Variants in MDGA2 observed in about 807,000 individuals in gnomAD.
MDGA2 encodes the protein MAM domain containing glycosylphosphatidylinositol anchor 2.
In MDGA2, 40 loss-of-function variants were observed where a neutral mutation model predicts 117.8. That is an observed-to-expected ratio of 0.34 (90% confidence interval 0.26 to 0.44). MDGA2 has a LOEUF of 0.44. MDGA2 is among the 20% of genes least tolerant of loss of function. The pLI is 1.00. For missense variants in MDGA2, 1,123 were observed against 1,250.6 expected, an observed-to-expected ratio of 0.90 and a Z score of 1.54; for synonymous variants, 452 against 439.0, an observed-to-expected ratio of 1.03 and a Z score of -0.37.
chr14:47,067,106 A>G (rs980682332), intron 6 of MDGA2, among the ~76,000 whole-genome samples: 1 of 152,172 alleles, frequency 6.6e-6, no homozygotes, highest in Non-Finnish European at 1.5e-5. Context: ...CAAGAGCAAA[A>G]CTCCACCACA....
At chr14:47,146,645 C>G (rs1303775342) in intron 3 of MDGA2, among the ~76,000 whole-genome samples, 1 of 151,916 alleles carries the variant, frequency 6.6e-6, no homozygotes, top group African/African-American at 2.4e-5. Context: ...TTTTCTTGTT[C>G]AAAACATAAT....
chr14:47,025,698 C>T (rs1012277252), intron 8 of MDGA2, among the ~76,000 whole-genome samples: 3 of 141,940 alleles, frequency 2.1e-5, no homozygotes, highest in Non-Finnish European at 4.6e-5. Context: ...GCTAGAGCCT[C>T]CTTCTCCACC....
In MDGA2 at chr14:47,243,170, G is replaced by A. The variant is rs1039044869; in HGVS notation, c.421-24975C>T. 5.9e-5 allele frequency among the ~76,000 whole-genome samples: 9 copies of A among 151,636 alleles called. No individual in the cohort carries two copies. In the East Asian group the frequency reaches 9.7e-4, roughly 16 times the overall value. ...CTCAGGGTTTGTAAATGCACCAATC[G>A]ACACTCTGTATCTAGCTGCTCTGGT... On this transcript the variant is annotated intron_variant, in intron 2 of 16. Transcript: ENST00000399232.
At position 47,537,574 on chromosome 14, in the gene MDGA2, TA is replaced by T. The variant is rs58060138; in HGVS notation, c.280+136942del. Among the ~76,000 whole-genome samples, 84 of 36,622 alleles carry T rather than the reference TA, an allele frequency of 2.3e-3. 1 individual carries two copies. The highest frequency in any genetic ancestry group is 3.4e-3 in the Non-Finnish European group (61 of 17,832). 24.0% of individuals were successfully genotyped at this position (36,622 alleles called of 152,430 possible). On this transcript the variant is annotated intron_variant, in intron 1 of 16. Coordinates refer to ENST00000399232, the MANE Select transcript of MDGA2 (RefSeq NM_001113498.3). ...TTATCCACTGTTACCTTCTCTCTGT[TA>T]AAAAAAAAAAAAAAAAAAAAAAAAA...
chr14:47,467,114 C>T (rs10220431), intron 1 of MDGA2, among the ~76,000 whole-genome samples: 114,431 of 151,918 alleles, frequency 0.75, 43,528 homozygotes, highest in East Asian at 1. Context: ...AATTACTACT[C>T]TCTCAACAAA....
chr14:47,170,734 C>T (rs1566662361), intron 3 of MDGA2, among the ~76,000 whole-genome samples: 1 of 152,088 alleles, frequency 6.6e-6, no homozygotes, highest in Non-Finnish European at 1.5e-5. Flanking sequence ...ATAAAACATT[C>T]TAGGAAGTTT....
intron 1 of MDGA2, among the ~76,000 whole-genome samples, chr14:47,440,158 A>G (rs1892977439): frequency 6.6e-6 from 1 of 151,928 alleles, no homozygotes; most frequent in Non-Finnish European, 1.5e-5. Flanking sequence ...TCTCACTCCC[A>G]ACAGCATACC....
At chr14:47,046,486 G>A (rs1889269877) in intron 7 of MDGA2, among the ~76,000 whole-genome samples, 1 of 150,712 alleles carries the variant, frequency 6.6e-6, no homozygotes, top group African/African-American at 2.4e-5. Context: ...AAACATCAGG[G>A]ATATACCTAA....
chr14:47,429,263 T>C (rs1208922209), intron 1 of MDGA2, among the ~76,000 whole-genome samples: 4 of 148,068 alleles, frequency 2.7e-5, no homozygotes, highest in Non-Finnish European at 6.0e-5. Flanking sequence ...ATTTATATAA[T>C]TAACAAATAT....
At chr14:47,652,505 T>C (rs962597221) in intron 1 of MDGA2, among the ~76,000 whole-genome samples, 1 of 152,210 alleles carries the variant, frequency 6.6e-6, no homozygotes, top group Non-Finnish European at 1.5e-5. Context: ...TTCCTTTATC[T>C]GAAAATACTG....
At chr14:47,627,686 G>A (rs1235753721) in intron 1 of MDGA2, among the ~76,000 whole-genome samples, 1 of 152,186 alleles carries the variant, frequency 6.6e-6, no homozygotes, top group Non-Finnish European at 1.5e-5. Flanking sequence ...GGCCGGATAA[G>A]AGAATAAAAG....
At chr14:47,320,449 A>C (rs1889946551) in intron 1 of MDGA2, among the ~76,000 whole-genome samples, 1 of 152,130 alleles carries the variant, frequency 6.6e-6, no homozygotes, top group African/African-American at 2.4e-5. Context: ...TGATTATATG[A>C]GAATATAGTT....
intron 1 of MDGA2, among the ~76,000 whole-genome samples, chr14:47,574,678 G>A (rs1485798471): frequency 2.0e-5 from 3 of 152,008 alleles, no homozygotes; most frequent in Admixed American, 6.6e-5. Flanking sequence ...TTTATTCAGT[G>A]CTTATTATGA....
chr14:47,595,558 A>C (rs989285888), intron 1 of MDGA2, among the ~76,000 whole-genome samples: 2 of 114,484 alleles, frequency 1.7e-5, no homozygotes, highest in African/African-American at 7.0e-5. Context: ...AAAAAAAAAC[A>C]AAAAAAAAAA....
intron 3 of MDGA2, among the ~76,000 whole-genome samples, chr14:47,156,932 A>G (rs1304873216): frequency 6.6e-6 from 1 of 152,198 alleles, no homozygotes; most frequent in Non-Finnish European, 1.5e-5. Flanking sequence ...GATAGCTCAT[A>G]ACAATAGATA....
intron 6 of MDGA2, among the ~76,000 whole-genome samples, chr14:47,085,961 A>C (rs931384687): frequency 2.8e-4 from 42 of 152,132 alleles, no homozygotes; most frequent in African/African-American, 9.6e-4. Context: ...AAAAGAATAT[A>C]TCTCAATGCT....
chr14:47,356,366 C>T (rs1201092495), intron 1 of MDGA2, among the ~76,000 whole-genome samples: 3 of 152,172 alleles, frequency 2.0e-5, no homozygotes, highest in African/African-American at 2.4e-5. Context: ...CTCCATATGA[C>T]ACCTTAAAAT....
At chr14:47,179,103 C>CTT (rs1884596102) in intron 3 of MDGA2, among the ~76,000 whole-genome samples, 1 of 151,928 alleles carries the variant, frequency 6.6e-6, no homozygotes, top group Non-Finnish European at 1.5e-5. Flanking sequence ...TGTGCCTAGC[C>CTT]TTTTGTTAGA....
At chr14:47,246,802 AACACACAC>A (rs34773547) in intron 2 of MDGA2, among the ~76,000 whole-genome samples, 187 of 141,852 alleles carry the variant, frequency 1.3e-3, no homozygotes, top group African/African-American at 4.8e-3. Context: ...CAGGTAATGA[AACACACAC>A]ACACACACAC....
Sources: gnomAD v4.1 joint callset for allele counts (sites outside exome capture counted in the v4.1 genomes callset) on GRCh38, gnomAD v4.1.1 for gene constraint, MANE v1.5 for transcripts, NCBI Gene and HGNC (gene_info 2026-07-23, HGNC 2026-07-21) for gene names.